The following PHACTR1 variants were observed in gnomAD, a reference collection of about 807,000 sequenced individuals.
PHACTR1 encodes phosphatase and actin regulator 1, also known as RPEL repeat containing 1.
PHACTR1 carries 16 observed loss-of-function variants against 69.2 expected under a neutral mutation model. That is an observed-to-expected ratio of 0.23 (90% CI 0.16 to 0.35). The LOEUF (loss-of-function observed/expected upper bound fraction) is 0.35. Ranked by LOEUF, PHACTR1 falls within the 10% of genes least tolerant of loss-of-function variation. The probability of loss-of-function intolerance (pLI) is 1.00; values close to 1 mark genes in which losing one functional copy is unlikely to be tolerated. For missense variants in PHACTR1, 510 were observed against 734.7 expected (o/e 0.69, Z 3.54); for synonymous variants, 312 against 284.5 (o/e 1.10, Z -0.97).
At chr6:13,164,576 G>A (rs1222473639) in intron 6 of PHACTR1, among the ~76,000 whole-genome samples, 2 of 152,218 alleles carry the variant, frequency 1.3e-5, no homozygotes, top group African/African-American at 4.8e-5. Flanking sequence ...TTGTGTGCAC[G>A]ATACTACTAA....
chr6:12,907,630 G>A (rs74480521), intron 4 of PHACTR1, among the ~76,000 whole-genome samples: 2,237 of 152,282 alleles, frequency 0.015, 49 homozygotes, highest in African/African-American at 0.051. Flanking sequence ...TTCACAGAAG[G>A]AACCTGGACA....
chr6:13,031,323 C>T (rs1802422326), intron 4 of PHACTR1, among the ~76,000 whole-genome samples: 1 of 152,166 alleles, frequency 6.6e-6, no homozygotes, highest in East Asian at 1.9e-4. Context: ...TAGGACTTAG[C>T]TGGAATACTT....
At chr6:13,263,855 C>A (rs963050540) in intron 10 of PHACTR1, among the ~76,000 whole-genome samples, 1 of 152,144 alleles carries the variant, frequency 6.6e-6, no homozygotes, top group African/African-American at 2.4e-5. Flanking sequence ...GTGACCACGT[C>A]GTCGTGCTCT....
rs1781837653 is a variant in PHACTR1, at chr6:13,287,076, T to TAACA, written c.1742_*2dup. On this transcript the variant is annotated frameshift_variant and stop_retained_variant, in exon 15 of 15. Coordinates refer to ENST00000332995, the MANE Select transcript of PHACTR1 (RefSeq NM_030948.6). LOFTEE classifies it high-confidence loss of function. Reference sequence around the variant, plus strand: ...TTGTTTCCTTAGGTTTCACCGACCTTAACAGTCGAATTCCTCTTGAGTGCT... The same window carrying TAACA: ...TTGTTTCCTTAGGTTTCACCGACCTTAACAAACAGTCGAATTCCTCTTGAGTGCT... 7.5e-6 allele frequency: 12 copies of TAACA among 1,606,848 alleles called. No homozygotes were observed. The highest frequency in any genetic ancestry group is 1.0e-5 in the Non-Finnish European group (12 of 1,176,374).
At chr6:13,191,230 A>G (rs78234059) in intron 7 of PHACTR1, among the ~76,000 whole-genome samples, 6,530 of 151,306 alleles carry the variant, frequency 0.043, 303 homozygotes, top group African/African-American at 0.12. Context: ...GACTTTATCT[A>G]TGCCTTTAAA....
At chr6:13,188,284 A>G (rs75763376) in intron 7 of PHACTR1, among the ~76,000 whole-genome samples, 342 of 152,364 alleles carry the variant, frequency 2.2e-3, no homozygotes, top group African/African-American at 7.7e-3. Flanking sequence ...AATTTTTATA[A>G]GTGAGCAATC....
chr6:13,206,111 G>T lies in PHACTR1; in HGVS notation c.961G>T (p.Ala321Ser). 1 of 1,606,904 alleles carries T rather than the reference G, an allele frequency of 6.2e-7. No individual in the cohort carries two copies. Among genetic ancestry groups the T allele is most frequent in the Non-Finnish European group, 8.5e-7 (1 of 1,175,844 alleles). The change falls in exon 8 of 15, where the codon GCC becomes TCC. Residue 321 changes from alanine to serine, a missense_variant. Physicochemically the swap from Ala to Ser is moderately conservative, Grantham distance 99. Coordinates refer to ENST00000332995, the MANE Select transcript of PHACTR1 (RefSeq NM_030948.6). ...GATAGACGAGCTCAACAAAACGCTGGCCATGACCATGCAGAGGCTGGAAAG... is the reference window on the plus strand; with the variant it reads ...GATAGACGAGCTCAACAAAACGCTGTCCATGACCATGCAGAGGCTGGAAAG... Reference protein sequence around the residue: ...RMIDELNKTLAMTMQRLESSE... With the variant: ...RMIDELNKTLSMTMQRLESSE...
intron 4 of PHACTR1, 26 bp downstream of exon 4, chr6:12,749,816 C>T: frequency 1.3e-6 from 2 of 1,542,736 alleles, no homozygotes; most frequent in Non-Finnish European, 1.7e-6. Context: ...GCGCCGCGCC[C>T]CCGCCCCCGC....
chr6:12,730,401 T>G (rs1347564795), intron 3 of PHACTR1, among the ~76,000 whole-genome samples: 1 of 152,122 alleles, frequency 6.6e-6, no homozygotes, highest in East Asian at 1.9e-4. Context: ...TTATTGCAAA[T>G]TCTGGCTTGT....
At chr6:12,913,483 A>G (rs1187835477) in intron 4 of PHACTR1, among the ~76,000 whole-genome samples, 3 of 152,242 alleles carry the variant, frequency 2.0e-5, no homozygotes, top group Non-Finnish European at 4.4e-5. Context: ...CCGAATGGAT[A>G]AAACTGTTCT....
At chr6:12,966,042 G>A (rs532989196) in intron 4 of PHACTR1, among the ~76,000 whole-genome samples, 28 of 152,164 alleles carry the variant, frequency 1.8e-4, no homozygotes, top group Non-Finnish European at 3.8e-4. Context: ...TGAGGGAGTA[G>A]AATCAATAGG....
At chr6:12,996,178 C>T (rs1368734900) in intron 4 of PHACTR1, among the ~76,000 whole-genome samples, 1 of 152,000 alleles carries the variant, frequency 6.6e-6, no homozygotes, top group African/African-American at 2.4e-5. Context: ...AAAGATACAG[C>T]AGCACTATCC....
chr6:13,131,539 A>G (rs1458545579), intron 5 of PHACTR1, among the ~76,000 whole-genome samples: 1 of 152,156 alleles, frequency 6.6e-6, no homozygotes, highest in African/African-American at 2.4e-5. Context: ...CTCAATAATT[A>G]TCACTAAAGA....
chr6:13,117,145 G>A (rs139212815), intron 5 of PHACTR1, among the ~76,000 whole-genome samples: 7 of 152,266 alleles, frequency 4.6e-5, no homozygotes, highest in South Asian at 2.1e-4. Flanking sequence ...TTTCAGAGCC[G>A]CTGACACTTT....
At chr6:13,021,714 G>A (rs1801000761) in intron 4 of PHACTR1, among the ~76,000 whole-genome samples, 1 of 152,164 alleles carries the variant, frequency 6.6e-6, no homozygotes, top group African/African-American at 2.4e-5. Context: ...ATGGATGATA[G>A]CCACCCTGCA....
At chr6:12,820,920 C>A (rs1561914164) in intron 4 of PHACTR1, among the ~76,000 whole-genome samples, 1 of 152,128 alleles carries the variant, frequency 6.6e-6, no homozygotes, top group East Asian at 1.9e-4. Flanking sequence ...AAAAAGAAAC[C>A]TGCCCTATGT....
chr6:13,020,085 A>T (rs4236098), intron 4 of PHACTR1, among the ~76,000 whole-genome samples: 129,100 of 152,134 alleles, frequency 0.85, 55,013 homozygotes, highest in East Asian at 0.99. Context: ...GGGGCACAGG[A>T]GACCTTACTT....
At chr6:12,931,003 C>CAAAAAA (rs34965562) in intron 4 of PHACTR1, among the ~76,000 whole-genome samples, 6 of 86,164 alleles carry the variant, frequency 7.0e-5, no homozygotes, top group East Asian at 3.7e-4. Context: ...AACTCTGTCT[C>CAAAAAA]AAAAAAAAAA....
chr6:12,941,168 G>C (rs1196557956), intron 4 of PHACTR1, among the ~76,000 whole-genome samples: 1 of 152,108 alleles, frequency 6.6e-6, no homozygotes, highest in Non-Finnish European at 1.5e-5. Context: ...GAAAACCCTT[G>C]AGTCCCAATA....
Sources: allele counts gnomAD v4.1 joint callset (sites outside exome capture counted in the v4.1 genomes callset), GRCh38; gene constraint gnomAD v4.1.1; transcripts MANE v1.5; gene names NCBI Gene and HGNC (gene_info 2026-07-23, HGNC 2026-07-21).